Variants in IPO8 observed in about 807,000 individuals in gnomAD.
IPO8 encodes the protein importin-8.
A neutral mutation model predicts 141.2 loss-of-function variants in IPO8; 65 were observed. The observed-to-expected ratio is 0.46, with a 90% CI of 0.38 to 0.57. IPO8 has a LOEUF of 0.57. IPO8 is among the 20% of genes least tolerant of loss of function. The pLI is 0.00. For synonymous variants in IPO8, 411 were observed against 420.3 expected, an observed-to-expected ratio of 0.98 and a Z score of 0.27; for missense variants, 980 against 1,246.8, an observed-to-expected ratio of 0.79 and a Z score of 3.22.
chr12:30,653,404 A>G (rs908821785), intron 17 of IPO8, among the ~76,000 whole-genome samples: 2 of 152,050 alleles, frequency 1.3e-5, no homozygotes, highest in African/African-American at 4.8e-5. Context: ...TTAGAAATAG[A>G]TACAAGAAGG....
At chr12:30,644,194 C>G (rs2052610219) in intron 20 of IPO8, among the ~76,000 whole-genome samples, 1 of 151,890 alleles carries the variant, frequency 6.6e-6, no homozygotes, top group African/African-American at 2.4e-5. Flanking sequence ...ATAGTGAGAC[C>G]TCATCTTTAC....
chr12:30,643,695 T>C (rs1305397883), intron 20 of IPO8, among the ~76,000 whole-genome samples: 1 of 152,238 alleles, frequency 6.6e-6, no homozygotes, highest in Admixed American at 6.5e-5. Flanking sequence ...CTAGTTCCCA[T>C]GAGAGTAGGT....
In IPO8 at chr12:30,670,859, T is replaced by C. The variant is rs1456440338; in HGVS notation, c.1044+103A>G. 3 of 877,156 alleles carry C rather than the reference T, an allele frequency of 3.4e-6. No homozygotes were observed. The East Asian group carries it at 8.3e-5, about 24-fold the overall frequency. The allele number at this position is 877,156 out of a possible 1,614,324, so 54.3% of individuals were successfully genotyped here. A position where few individuals can be genotyped will look rare whatever the true frequency, so the allele number is the denominator to read the frequency against. ...ATTAGAAATTATTAATGGTAAAATGTATATATATAAAATGTAAAATATAGG... is the reference window on the plus strand; with the variant it reads ...ATTAGAAATTATTAATGGTAAAATGCATATATATAAAATGTAAAATATAGG... On this transcript the variant is annotated intron_variant, in intron 9 of 24. Coordinates refer to ENST00000256079, the MANE Select transcript of IPO8 (RefSeq NM_006390.4).
At chr12:30,663,418 A>T in intron 14 of IPO8, 71 bp downstream of exon 14, 5 of 1,292,120 alleles carry the variant, frequency 3.9e-6, no homozygotes, top group South Asian at 1.5e-5. Flanking sequence ...AGACATGGAG[A>T]TGCATCTTCA....
In IPO8 at chr12:30,637,101, C is replaced by A; in HGVS notation, c.2576G>T (p.Gly859Val). The change falls in exon 22 of 25, where the codon GGA (glycine) becomes GTA (valine). Residue 859 changes from glycine (G) to valine (V), a missense_variant. By Grantham distance (109) the Gly-to-Val change is moderately radical. Around this residue, in one of 3 missense-constraint regions of IPO8, gnomAD observed 924 missense variants for 1,153.9 expected, o/e 0.80. Transcript: ENST00000256079. ...NRPPAVDAVV[G>V]QIVPSILFLF... is the part of the protein sequence containing the mutation. ...GAAAAGAATTGAGGGAACAATCTGT[C>A]CCACCACAGCATCTACTGCAGGAGG... 6.2e-7 allele frequency: 1 copy of A among 1,613,870 alleles called. No individual in the cohort carries two copies. The highest frequency in any genetic ancestry group is 1.1e-5 in the South Asian group (1 of 91,066).
At chr12:30,636,568 T>C (rs1032565111) in intron 22 of IPO8, among the ~76,000 whole-genome samples, 1 of 152,050 alleles carries the variant, frequency 6.6e-6, no homozygotes, top group Non-Finnish European at 1.5e-5. Flanking sequence ...AAAAAGACAC[T>C]CTCTACTAAT....
chr12:30,639,994 C>T (rs2052555223), intron 20 of IPO8, among the ~76,000 whole-genome samples: 1 of 152,178 alleles, frequency 6.6e-6, no homozygotes, highest in African/African-American at 2.4e-5. Context: ...TGAAGATTGT[C>T]CTGTAAGAGT....
chr12:30,679,772 C>T (rs887918811), intron 5 of IPO8, among the ~76,000 whole-genome samples: 4 of 152,132 alleles, frequency 2.6e-5, no homozygotes, highest in African/African-American at 7.2e-5. Flanking sequence ...CCTCTTCTCA[C>T]GACAAATTCA....
At chr12:30,675,794 A>G (rs1269526381) in intron 6 of IPO8, among the ~76,000 whole-genome samples, 2 of 151,354 alleles carry the variant, frequency 1.3e-5, no homozygotes, top group Non-Finnish European at 3.0e-5. Context: ...CAGTGAGCCA[A>G]GATCATGCCA....
rs1274616264 is a variant in IPO8 at position 30,656,751 on chromosome 12, C to G, written c.1882-1G>C. 6.9e-7 allele frequency: 1 copy of G among 1,454,664 alleles called. No homozygotes were observed. The highest frequency in any genetic ancestry group is 1.3e-5 in the South Asian group (1 of 74,820). The allele number at this position is 1,454,664 out of a possible 1,614,324, so 90.1% of individuals were successfully genotyped here. A position where few individuals can be genotyped will look rare whatever the true frequency, so the allele number is the denominator to read the frequency against. ...AGATATTCTCTAACTGCTGGGTAATCTAAAGATAAATGTTAAATATTAAGC... is the reference window on the plus strand; with the variant it reads ...AGATATTCTCTAACTGCTGGGTAATGTAAAGATAAATGTTAAATATTAAGC... On this transcript the variant is annotated splice_acceptor_variant, in intron 16 of 24. Transcript: ENST00000256079. LOFTEE classifies it high-confidence loss of function.
At chr12:30,643,575 G>GTAGT (rs2052602012) in intron 20 of IPO8, among the ~76,000 whole-genome samples, 1 of 152,344 alleles carries the variant, frequency 6.6e-6, no homozygotes, top group Non-Finnish European at 1.5e-5. Flanking sequence ...TTGAGTCATG[G>GTAGT]TAGTGGTCGA....
In IPO8 at chr12:30,629,455, G is replaced by C. The variant is rs2052400906; in HGVS notation, c.*1405C>G. ...ACATCACTTAACCTAAAATTCTAAA[G>C]AGTTAATATGCATGAGGGATGGTAA... On this transcript the variant is annotated 3_prime_UTR_variant, in exon 25 of 25. Coordinates refer to ENST00000256079, the MANE Select transcript of IPO8 (RefSeq NM_006390.4). The C allele has an allele frequency of 6.6e-6, 1 of 152,084 alleles. No homozygotes were observed. The highest frequency in any genetic ancestry group is 2.4e-5 in the African/African-American group (1 of 41,418). The allele number at this position is 152,084 out of a possible 1,614,324, so 9.4% of individuals were successfully genotyped here.
chr12:30,685,989 A>G (rs1410090713), intron 2 of IPO8, among the ~76,000 whole-genome samples: 1 of 152,088 alleles, frequency 6.6e-6, no homozygotes, highest in East Asian at 1.9e-4. Flanking sequence ...GCTAAAACTT[A>G]AAAGAAATTT....
intron 16 of IPO8, among the ~76,000 whole-genome samples, chr12:30,659,390 A>G (rs1197135014): frequency 6.6e-6 from 1 of 151,778 alleles, no homozygotes; most frequent in African/African-American, 2.4e-5. Context: ...AGGCAGCACA[A>G]TCACTTGAAC....
At position 30,630,654 on chromosome 12, in the gene IPO8, A is replaced by G; in HGVS notation, c.*206T>C. 1.9e-6 allele frequency: 1 copy of G among 516,026 alleles called. No homozygotes were observed. Among genetic ancestry groups the G allele is most frequent in the Non-Finnish European group, 3.4e-6 (1 of 294,298 alleles). 32.0% of individuals were successfully genotyped at this position (516,026 alleles called of 1,614,324 possible). On this transcript the variant is annotated 3_prime_UTR_variant, in exon 25 of 25. Coordinates refer to ENST00000256079, the MANE Select transcript of IPO8 (RefSeq NM_006390.4). ...AATGATTGTTTTTCTTTCATTTCAT[A>G]CTTACAGTAGCTGTTTAAAATATAT...
chr12:30,673,661 TC>T, intron 8 of IPO8, among the ~76,000 whole-genome samples: 1 of 152,126 alleles, frequency 6.6e-6, no homozygotes, highest in African/African-American at 2.4e-5. Context: ...GAAATAAAGA[TC>T]AAAAAACTCA....
intron 20 of IPO8, among the ~76,000 whole-genome samples, chr12:30,641,060 T>C (rs1233410505): frequency 6.6e-6 from 1 of 152,172 alleles, no homozygotes; most frequent in African/African-American, 2.4e-5. Context: ...ATAAAGGAAT[T>C]GTGAAGTTTT....
intron 23 of IPO8, among the ~76,000 whole-genome samples, chr12:30,632,841 A>C (rs2052451544): frequency 6.6e-6 from 1 of 152,200 alleles, no homozygotes; most frequent in Non-Finnish European, 1.5e-5. Flanking sequence ...CCAATGGGCA[A>C]TGGGATGGAC....
chr12:30,645,686 T>C (rs2052635827), intron 20 of IPO8, among the ~76,000 whole-genome samples: 3 of 151,992 alleles, frequency 2.0e-5, no homozygotes, highest in Admixed American at 6.6e-5. Context: ...GTCATTACTA[T>C]GGAACCTACA....
Sources: allele counts gnomAD v4.1 joint callset (sites outside exome capture counted in the v4.1 genomes callset), GRCh38; gene constraint gnomAD v4.1.1; regional missense constraint gnomAD v4.1.1; transcripts MANE v1.5; gene names NCBI Gene and HGNC (gene_info 2026-07-23, HGNC 2026-07-21).